SCAPER: variants seen among roughly 807,000 people sequenced by gnomAD.
SCAPER encodes S phase cyclin A-associated protein in the endoplasmic reticulum.
In SCAPER, 98 loss-of-function variants were observed where a neutral mutation model predicts 182.2. The observed-to-expected ratio is 0.54, with a 90% CI of 0.46 to 0.64. The LOEUF (loss-of-function observed/expected upper bound fraction) is 0.64, where lower values mean the gene tolerates loss of function less well. SCAPER is among the 30% of genes least tolerant of loss of function. SCAPER has a pLI of 0.00. For missense variants in SCAPER, 1,432 were observed against 1,690.0 expected (o/e 0.85, Z 2.68); for synonymous variants, 605 against 564.6 (o/e 1.07, Z -1.01).
chr15:76,848,622 C>A (rs766747739), intron 4 of SCAPER, among the ~76,000 whole-genome samples: 6 of 152,130 alleles, frequency 3.9e-5, no homozygotes, highest in African/African-American at 7.2e-5. Flanking sequence ...GCGTGAGCCA[C>A]CATGCCCGGG....
At chr15:76,559,363 G>C (rs145404426) in intron 23 of SCAPER, among the ~76,000 whole-genome samples, 10 of 151,812 alleles carry the variant, frequency 6.6e-5, no homozygotes, top group Admixed American at 3.9e-4. Flanking sequence ...GCCGAGATCT[G>C]ATGGTTTTAT....
chr15:76,424,143 G>A (rs1445278888), intron 26 of SCAPER, among the ~76,000 whole-genome samples: 1 of 152,106 alleles, frequency 6.6e-6, no homozygotes, highest in Admixed American at 6.6e-5. Flanking sequence ...GGTCTTCTTG[G>A]TGCAGAGCTG....
intron 23 of SCAPER, among the ~76,000 whole-genome samples, chr15:76,573,449 T>C (rs1015608902): frequency 1.9e-4 from 28 of 151,346 alleles, no homozygotes; most frequent in African/African-American, 6.4e-4. Flanking sequence ...TAAATGAAAA[T>C]AGCCATTACT....
chr15:76,518,882 TG>T (rs1487991004), intron 23 of SCAPER, among the ~76,000 whole-genome samples: 4 of 152,232 alleles, frequency 2.6e-5, no homozygotes, highest in African/African-American at 9.6e-5. Context: ...TCAGAATATC[TG>T]TTCTTCTTGA....
At chr15:76,719,368 T>C (rs991750099) in intron 17 of SCAPER, among the ~76,000 whole-genome samples, 2 of 152,076 alleles carry the variant, frequency 1.3e-5, no homozygotes, top group African/African-American at 4.8e-5. Context: ...AAACAAGGTA[T>C]TAGTTATCAC....
intron 29 of SCAPER, among the ~76,000 whole-genome samples, chr15:76,358,393 A>G (rs772654019): frequency 3.3e-5 from 5 of 152,262 alleles, no homozygotes; most frequent in Non-Finnish European, 7.3e-5. Context: ...AAACTATCTT[A>G]GTTGGCTTGG....
chr15:76,883,882 A>G lies in SCAPER; in HGVS notation c.-59-6T>C, dbSNP rs369264774. The G allele has an allele frequency of 4.3e-6, 5 of 1,166,248 alleles. No homozygotes were observed. In the South Asian group the frequency reaches 6.1e-5, roughly 14 times the overall value. The allele number at this position is 1,166,248 out of a possible 1,614,324, so 72.2% of individuals were successfully genotyped here. ...AAACCCATGGAGTATGACTCCTACA[A>G]TAAAAAATATATATACGCTTAGTTA... On this transcript the variant is annotated splice_region_variant and splice_polypyrimidine_tract_variant and intron_variant, in intron 1 of 31. Transcript: ENST00000563290.
chr15:76,467,285 G>C, intron 25 of SCAPER, among the ~76,000 whole-genome samples: 1 of 152,088 alleles, frequency 6.6e-6, no homozygotes, highest in Admixed American at 6.6e-5. Flanking sequence ...AAGCCTCCCT[G>C]TTTTTGTTGT....
chr15:76,891,763 C>T (rs2074180875), intron 1 of SCAPER, among the ~76,000 whole-genome samples: 1 of 152,130 alleles, frequency 6.6e-6, no homozygotes, highest in Non-Finnish European at 1.5e-5. Flanking sequence ...AGACTCAATG[C>T]CATCCCCATC....
At chr15:76,398,133 G>T (rs2044212204) in intron 27 of SCAPER, among the ~76,000 whole-genome samples, 1 of 151,958 alleles carries the variant, frequency 6.6e-6, no homozygotes, top group African/African-American at 2.4e-5. Context: ...AACTCTACAT[G>T]TTCTAATCTT....
chr15:76,482,105 T>C (rs949834548), intron 24 of SCAPER, among the ~76,000 whole-genome samples: 1 of 152,056 alleles, frequency 6.6e-6, no homozygotes, highest in Non-Finnish European at 1.5e-5. Flanking sequence ...TCACTGATGA[T>C]CAATACCTAG....
intron 17 of SCAPER, among the ~76,000 whole-genome samples, chr15:76,722,878 G>A (rs958133895): frequency 1.3e-5 from 2 of 151,852 alleles, no homozygotes; most frequent in Non-Finnish European, 2.9e-5. Flanking sequence ...AAAAAAACAG[G>A]CTCCTGGATT....
At chr15:76,420,777 C>G (rs557383237) in intron 26 of SCAPER, among the ~76,000 whole-genome samples, 3 of 152,266 alleles carry the variant, frequency 2.0e-5, no homozygotes, top group East Asian at 3.9e-4. Flanking sequence ...ACGCTCCCCC[C>G]ACCCCATGAC....
chr15:76,610,085 T>C (rs541144905), intron 22 of SCAPER, among the ~76,000 whole-genome samples: 2 of 152,284 alleles, frequency 1.3e-5, no homozygotes, highest in Non-Finnish European at 2.9e-5. Context: ...ATGATGCCAC[T>C]GTGGTGCTCA....
chr15:76,687,961 TGG>T (rs2058124573), intron 20 of SCAPER, among the ~76,000 whole-genome samples: 1 of 152,210 alleles, frequency 6.6e-6, no homozygotes, highest in Admixed American at 6.5e-5. Flanking sequence ...TACCCAGTAA[TGG>T]GATGGTTGGG....
At position 76,455,668 on chromosome 15, in the gene SCAPER, T is replaced by A. The variant is rs145033097; in HGVS notation, c.3078+15544A>T. ...TTTAACTTTTTTAATTTTTATTTTT[T>A]ATTTTTATTTTACTTTAAGTTCTGG... On this transcript the variant is annotated intron_variant, in intron 25 of 31. Transcript: ENST00000563290. Among the ~76,000 whole-genome samples the A allele has an allele frequency of 4.0e-3, 606 of 152,326 alleles. 2 individuals carry two copies. Among genetic ancestry groups the A allele is most frequent in the African/African-American group, 0.014 (580 of 41,564 alleles).
chr15:76,903,682 C>CTA (rs1364997755), intron 1 of SCAPER, among the ~76,000 whole-genome samples: 1 of 152,140 alleles, frequency 6.6e-6, no homozygotes, highest in Non-Finnish European at 1.5e-5. Context: ...AGGTATTTTG[C>CTA]TATACCAGAC....
At chr15:76,811,512 C>T (rs2066620289) in intron 5 of SCAPER, among the ~76,000 whole-genome samples, 6 of 152,182 alleles carry the variant, frequency 3.9e-5, no homozygotes, top group Admixed American at 3.9e-4. Context: ...AGGTTTGGGC[C>T]AGGCGCGGTG....
intron 20 of SCAPER, among the ~76,000 whole-genome samples, chr15:76,677,686 T>C (rs144842458): frequency 2.8e-3 from 430 of 150,934 alleles, no homozygotes; most frequent in Admixed American, 4.4e-3. Context: ...CATGATCTCA[T>C]CAAAGTTTAC....
Sources: gnomAD v4.1 joint callset for allele counts (sites outside exome capture counted in the v4.1 genomes callset) on GRCh38, gnomAD v4.1.1 for gene constraint, MANE v1.5 for transcripts, NCBI Gene and HGNC (gene_info 2026-07-23, HGNC 2026-07-21) for gene names.